The following ARHGAP4 variants were observed in gnomAD, a reference collection of about 807,000 sequenced individuals.
ARHGAP4 encodes the protein Rho GTPase activating protein 4.
Under a neutral mutation model 67.6 loss-of-function variants are expected in ARHGAP4, and 25 were observed. The ratio of observed to expected loss-of-function variants is 0.37; its 90% confidence interval spans 0.27 to 0.52. ARHGAP4 has a LOEUF of 0.52. Among genes scored for constraint, ARHGAP4 ranks in the 20% least tolerant of loss-of-function variants. The pLI, the probability that ARHGAP4 is intolerant of heterozygous loss-of-function variation, is 0.92. For missense variants in ARHGAP4, 804 were observed against 854.6 expected (o/e 0.94, Z 0.74); for synonymous variants, 448 against 373.7 (o/e 1.20, Z -2.29).
At position 153,909,941 on chromosome X, in the gene ARHGAP4, G is replaced by T. The variant is rs782609051; in HGVS notation, c.2231-17C>A. On this transcript the variant is annotated splice_polypyrimidine_tract_variant and intron_variant, in intron 18 of 21. Transcript: ENST00000350060. ...CCTCCAGGTCTGGGGAGGAGAGGGG[G>T]TCCAAGCTGTGGGAGGGGGTGTGGA... 11 of 1,208,547 alleles carry T rather than the reference G, an allele frequency of 9.1e-6. No homozygotes were observed. In the South Asian group the frequency reaches 1.9e-4, roughly 21 times the overall value.
rs541752174 is a variant in ARHGAP4 at position 153,919,483 on chromosome X, G to A, written c.682-200C>T. 3.7e-5 allele frequency: 41 copies of A among 1,117,487 alleles called. 1 individual carries two copies. The Middle Eastern group carries it at 9.8e-4, about 27-fold the overall frequency. 92.1% of individuals were successfully genotyped at this position (1,117,487 alleles called of 1,213,427 possible). A position where few individuals can be genotyped will look rare whatever the true frequency, so the allele number is the denominator to read the frequency against. ...GTGCCAGGAGGTGACTTGATTCCCC[G>A]GCTGTTCACCCGCCACTTGCCTTGG... On this transcript the variant is annotated intron_variant, in intron 5 of 21. Transcript: ENST00000350060.
intron 21 of ARHGAP4, 70 bp downstream of exon 21, chrX:153,909,000 T>G: frequency 1.8e-6 from 2 of 1,094,840 alleles, no homozygotes; most frequent in East Asian, 6.1e-5. Context: ...GAGGGAGGAG[T>G]TTGGCTTCCA....
rs1246627787 is a variant in ARHGAP4, at chrX:153,920,761, C to T, written c.546G>A (p.Glu182=). ...QAYHMESVNA[E]AKLREAERQE... ...GCCGCTCGGCCTCCCGGAGCTTGGC[C>T]TCGGCATTCACGCTCTCCATGTGAT... is the stretch of plus-strand genomic sequence containing the variant. Residue 182 remains glutamate, a synonymous_variant, in exon 5 of 22, where the codon GAG becomes GAA. Transcript: ENST00000350060. 5.8e-6 allele frequency: 7 copies of T among 1,211,156 alleles called. No individual in the cohort carries two copies. Among genetic ancestry groups the T allele is most frequent in the South Asian group, 1.8e-5 (1 of 56,965 alleles).
chrX:153,909,707 G>A, intron 19 of ARHGAP4, 34 bp downstream of exon 19: 1 of 1,157,189 alleles, frequency 8.6e-7, no homozygotes. Context: ...GGAGACTCCG[G>A]GAGCCCTGGG....
At position 153,913,452 on chromosome X, in the gene ARHGAP4, C is replaced by T. The variant is rs782325157; in HGVS notation, c.1283G>A (p.Arg428Gln). ...SSDPGSRQAGRRRGQQQETET... is the reference protein window; with the variant it reads ...SSDPGSRQAGQRRGQQQETET... ...GGTCTCCTGCTGCTGGCCGCGCCTC[C>T]GGCCCGCCTGCCGGCTGCCTGGGTC... is the stretch of plus-strand genomic sequence containing the variant. Residue 428 changes from arginine to glutamine, a missense_variant, in exon 9 of 22, where the codon CGG becomes CAG. Transcript: ENST00000350060. 34 of 1,211,729 alleles carry T rather than the reference C, an allele frequency of 2.8e-5. No homozygotes were observed. Among genetic ancestry groups the T allele is most frequent in the Non-Finnish European group, 3.7e-5 (33 of 895,426 alleles).
At chrX:153,915,255 G>A (rs1362289456) in intron 7 of ARHGAP4, among the ~76,000 whole-genome samples, 1 of 111,658 alleles carries the variant, frequency 9.0e-6, no homozygotes, top group South Asian at 3.7e-4. Context: ...GGGTTGAACG[G>A]GGCCAGAGCT....
intron 7 of ARHGAP4, among the ~76,000 whole-genome samples, chrX:153,918,498 G>A (rs1289915804): frequency 8.9e-6 from 1 of 112,776 alleles, no homozygotes; most frequent in Non-Finnish European, 1.9e-5. Flanking sequence ...CTAGCTCGAC[G>A]GAGAAGGATA....
Position 153,913,395 on chromosome X carries a change from C to T in ARHGAP4, c.1326+14G>A. 1.7e-6 allele frequency: 2 copies of T among 1,208,622 alleles called. No individual in the cohort carries two copies. The highest frequency in any genetic ancestry group is 2.2e-6 in the Non-Finnish European group (2 of 893,300). ...GCCCCCACGGGTCCCGCCCACCAGC[C>T]CAGCCCTCCCCACCGTGAGGTAGAA... is the stretch of plus-strand genomic sequence containing the variant. On this transcript the variant is annotated intron_variant, in intron 9 of 21. Transcript: ENST00000350060.
chrX:153,926,145 G>A lies in ARHGAP4; in HGVS notation c.58C>T (p.Gln20Ter). ...CCCGGCGCCCTCTCACCTTTGACTT[G>A]CGTCTCATACTCAGCCTGCAGCCCC... ...ERGLQAEYET[Q>*]VKEMRWQLSE... Residue 20 changes from glutamine to a stop codon, truncating the protein, a stop_gained, in exon 1 of 22, where the codon CAA (glutamine) becomes TAA (stop). Coordinates refer to ENST00000350060, the MANE Select transcript of ARHGAP4 (RefSeq NM_001666.5). LOFTEE classifies it high-confidence loss of function. 8.3e-7 allele frequency: 1 copy of A among 1,205,399 alleles called. No individual in the cohort carries two copies. Among genetic ancestry groups the A allele is most frequent in the Non-Finnish European group, 1.1e-6 (1 of 892,409 alleles).
chrX:153,916,326 C>T (rs1256201004), intron 7 of ARHGAP4, among the ~76,000 whole-genome samples: 1 of 113,266 alleles, frequency 8.8e-6, no homozygotes, highest in Non-Finnish European at 1.9e-5. Context: ...CCCCCAGATC[C>T]CCTAAGGCAA....
In ARHGAP4 at chrX:153,907,686, C is replaced by T; in HGVS notation, c.*43G>A. ...AGGGGGCTGGGGAGAGTGGCCGGTC[C>T]AGCGGGTAGCCGCCGGGGGCACGCA... On this transcript the variant is annotated 3_prime_UTR_variant, in exon 22 of 22. Coordinates refer to ENST00000350060, the MANE Select transcript of ARHGAP4 (RefSeq NM_001666.5). The T allele has an allele frequency of 1.3e-6, 1 of 740,891 alleles. No individual in the cohort carries two copies. The highest frequency in any genetic ancestry group is 1.8e-6 in the Non-Finnish European group (1 of 546,961). The allele number at this position is 740,891 out of a possible 1,213,427, so 61.1% of individuals were successfully genotyped here.
intron 7 of ARHGAP4, among the ~76,000 whole-genome samples, chrX:153,914,467 G>A (rs182976382): frequency 3.8e-4 from 43 of 112,221 alleles, no homozygotes; most frequent in Middle Eastern, 4.6e-3. Flanking sequence ...AGGCTGAGGC[G>A]GATGGATTAT....
rs782649527 is a variant in ARHGAP4 at position 153,913,372 on chromosome X, C to T, written c.1326+37G>A. 2.7e-5 allele frequency: 33 copies of T among 1,206,235 alleles called. No homozygotes were observed. In the South Asian group the frequency reaches 5.8e-4, roughly 21 times the overall value. On this transcript the variant is annotated intron_variant, in intron 9 of 21. Coordinates refer to ENST00000350060, the MANE Select transcript of ARHGAP4 (RefSeq NM_001666.5). The stretch of plus-strand genomic sequence containing the variant: ...GCCCCTCCCTCTGCCCCAGCAATGC[C>T]CCCACGGGTCCCGCCCACCAGCCCA...
intron 1 of ARHGAP4, among the ~76,000 whole-genome samples, chrX:153,924,850 C>T (rs782392896): frequency 8.9e-6 from 1 of 112,131 alleles, no homozygotes; most frequent in South Asian, 3.6e-4. Flanking sequence ...ACAAGCAAAA[C>T]AGAAGAAAAG....
At chrX:153,908,274 G>A (rs968782106) in intron 21 of ARHGAP4, among the ~76,000 whole-genome samples, 1 of 111,945 alleles carries the variant, frequency 8.9e-6, no homozygotes, top group Non-Finnish European at 1.9e-5. Context: ...GACCGCCAGC[G>A]TGCGGGGACT....
chrX:153,919,430 C>G, intron 5 of ARHGAP4, 147 bp from the exon 6 acceptor site: 1 of 1,132,411 alleles, frequency 8.8e-7, no homozygotes, highest in Non-Finnish European at 1.2e-6. Flanking sequence ...GCCTTCCCCA[C>G]GCCACAGTCC....
chrX:153,909,619 G>C lies in ARHGAP4; in HGVS notation c.2415-84C>G, dbSNP rs1361247074. On this transcript the variant is annotated intron_variant, in intron 19 of 21. Coordinates refer to ENST00000350060, the MANE Select transcript of ARHGAP4 (RefSeq NM_001666.5). Reference sequence around the variant, plus strand: ...CAGCAGCTCCGCGCCAGCCAGGAGTGGTCAGAGAGGCTCTGTTCTCTGGCC... The same window carrying C: ...CAGCAGCTCCGCGCCAGCCAGGAGTCGTCAGAGAGGCTCTGTTCTCTGGCC... The C allele has an allele frequency of 2.1e-5, 23 of 1,094,379 alleles. 1 individual carries two copies. The East Asian group carries it at 5.5e-4, about 26-fold the overall frequency. The allele number at this position is 1,094,379 out of a possible 1,213,427, so 90.2% of individuals were successfully genotyped here.
At chrX:153,914,913 G>C (rs1486875657) in intron 7 of ARHGAP4, among the ~76,000 whole-genome samples, 2 of 112,213 alleles carry the variant, frequency 1.8e-5, no homozygotes, top group Non-Finnish European at 3.8e-5. Flanking sequence ...ACTCTTTTAA[G>C]CATGTAGACA....
At chrX:153,913,079 C>A (rs781826200) in intron 10 of ARHGAP4, 28 bp from the exon 11 acceptor site, 15 of 1,183,967 alleles carry the variant, frequency 1.3e-5, no homozygotes, top group Non-Finnish European at 1.7e-5. Context: ...ATTGGTCTGC[C>A]TCTCGGGCCA....
Sources: allele counts gnomAD v4.1 joint callset (sites outside exome capture counted in the v4.1 genomes callset), GRCh38; gene constraint gnomAD v4.1.1; transcripts MANE v1.5; gene names NCBI Gene and HGNC (gene_info 2026-07-23, HGNC 2026-07-21).